The following TCEANC2 variants were observed in gnomAD, a reference collection of about 807,000 sequenced individuals.
The protein encoded by TCEANC2 is transcription elongation factor A N-terminal and central domain containing 2, also known as transcription elongation factor A N-terminal and central domain-containing protein 2.
In TCEANC2, 20 loss-of-function variants were observed where a neutral mutation model predicts 22.8. The ratio of observed to expected loss-of-function variants is 0.88; its 90% confidence interval spans 0.62 to 1.28. The LOEUF (loss-of-function observed/expected upper bound fraction) is 1.28. Ranked by LOEUF, TCEANC2 falls within the 50% of genes most tolerant of loss-of-function variation. The probability of loss-of-function intolerance (pLI) is 0.00; values close to 1 mark genes in which losing one functional copy is unlikely to be tolerated. For synonymous variants in TCEANC2, 84 were observed against 95.5 expected (o/e 0.88, Z 0.70); for missense variants, 251 against 249.7 (o/e 1.01, Z -0.03).
chr1:54,068,947 CCTT>C (rs753563342), intron 3 of TCEANC2, 50 bp downstream of exon 3: 320 of 1,439,260 alleles, frequency 2.2e-4, no homozygotes, highest in Non-Finnish European at 2.8e-4. Context: ...ATTTTGTCTC[CCTT>C]CTTCTTTCCT....
intron 2 of TCEANC2, among the ~76,000 whole-genome samples, chr1:54,055,175 G>A (rs1027302738): frequency 4.3e-4 from 66 of 152,184 alleles, no homozygotes; most frequent in African/African-American, 1.5e-3. Context: ...TGTTGGCCAG[G>A]CTGGTCTTGA....
chr1:54,066,619 T>C (rs2100360737), intron 2 of TCEANC2, among the ~76,000 whole-genome samples: 1 of 152,346 alleles, frequency 6.6e-6, no homozygotes, highest in South Asian at 2.1e-4. Flanking sequence ...AAGACATTTG[T>C]GTATAAAAAT....
chr1:54,098,059 C>T lies in TCEANC2; in HGVS notation c.*1586C>T, dbSNP rs1422938750. 4 of 152,202 alleles carry T rather than the reference C, an allele frequency of 2.6e-5. No homozygotes were observed. Among genetic ancestry groups the T allele is most frequent in the African/African-American group, 7.2e-5 (3 of 41,432 alleles). 9.4% of individuals were successfully genotyped at this position (152,202 alleles called of 1,614,324 possible). A position where few individuals can be genotyped will look rare whatever the true frequency, so the allele number is the denominator to read the frequency against. ...ATATGGTTGCCTTGGATGATTTCAT[C>T]TACTCTCATGTTTTCAAGCATCATT... is the stretch of plus-strand genomic sequence containing the variant. On this transcript the variant is annotated 3_prime_UTR_variant, in exon 5 of 5. Transcript: ENST00000234827.
At position 54,105,249 on chromosome 1, in the gene TCEANC2, T is replaced by G. The variant is rs1658730871; in HGVS notation, c.*8776T>G. On this transcript the variant is annotated 3_prime_UTR_variant, in exon 5 of 5. Transcript: ENST00000234827. ...GGCCTCTTCCCACAGCTACTGGGAG[T>G]GCTCTCAGCCAGCAGCCTTCAGCTG... The G allele has an allele frequency of 6.6e-6, 1 of 152,352 alleles. No individual in the cohort carries two copies. The highest frequency in any genetic ancestry group is 2.4e-5 in the African/African-American group (1 of 41,370). 9.4% of individuals were successfully genotyped at this position (152,352 alleles called of 1,614,324 possible).
chr1:54,081,343 C>T (rs1297487990), intron 3 of TCEANC2, among the ~76,000 whole-genome samples: 2 of 152,180 alleles, frequency 1.3e-5, no homozygotes, highest in African/African-American at 4.8e-5. Flanking sequence ...ATCCTCTTGC[C>T]TCAGCCTCCC....
intron 3 of TCEANC2, among the ~76,000 whole-genome samples, chr1:54,082,075 T>G (rs1011616542): frequency 1.3e-5 from 2 of 152,228 alleles, no homozygotes; most frequent in Non-Finnish European, 2.9e-5. Flanking sequence ...TCAGGCTGCT[T>G]GTGTTCTAAT....
chr1:54,088,766 A>T lies in TCEANC2; in HGVS notation c.414A>T (p.Leu138Phe). Reference protein sequence around the residue: ...TESLRKNAQKLLSEALELKMD... With the variant: ...TESLRKNAQKFLSEALELKMD... ...CGTTGAGGAAAAATGCTCAGAAATT[A>T]CTCTCAGAAGCCTTGGAATTAAAGG... Residue 138 changes from leucine to phenylalanine, a missense_variant, in exon 4 of 5, where the codon TTA becomes TTT. Transcript: ENST00000234827. 6.3e-7 allele frequency: 1 copy of T among 1,594,464 alleles called. No homozygotes were observed. Among genetic ancestry groups the T allele is most frequent in the South Asian group, 1.1e-5 (1 of 88,338 alleles).
At position 54,096,398 on chromosome 1, in the gene TCEANC2, C is replaced by T. The variant is rs1399154523; in HGVS notation, c.552C>T (p.His184=). The T allele has an allele frequency of 6.2e-7, 1 of 1,613,644 alleles. No individual in the cohort carries two copies. Among genetic ancestry groups the T allele is most frequent in the Admixed American group, 1.7e-5 (1 of 60,022 alleles). The part of the protein sequence containing the change: ...TVRALVFTLK[H]RAEIRAQVKS... ...GAGCCCTGGTCTTCACATTAAAGCACCGAGCTGAAATCCGGGCTCAGGTGA... is the reference window on the plus strand; with the variant it reads ...GAGCCCTGGTCTTCACATTAAAGCATCGAGCTGAAATCCGGGCTCAGGTGA... The change falls in exon 5 of 5, where the codon CAC becomes CAT. Residue 184 remains histidine, a synonymous_variant. Coordinates refer to ENST00000234827, the MANE Select transcript of TCEANC2 (RefSeq NM_153035.3). This position sits in a 1 kb window ranked among gnomAD's most constrained non-coding sequence, Gnocchi z 4.9.
intron 3 of TCEANC2, among the ~76,000 whole-genome samples, chr1:54,083,033 A>G (rs1658275428): frequency 6.6e-6 from 1 of 152,102 alleles, no homozygotes; most frequent in Non-Finnish European, 1.5e-5. Context: ...TAAAAGATAG[A>G]GGGAGAATTA....
At chr1:54,076,025 C>T (rs1426488573) in intron 3 of TCEANC2, among the ~76,000 whole-genome samples, 1 of 141,734 alleles carries the variant, frequency 7.1e-6, no homozygotes, top group Admixed American at 6.9e-5. Flanking sequence ...AAGAACTTGT[C>T]TCCAAAAAAA....
intron 2 of TCEANC2, among the ~76,000 whole-genome samples, chr1:54,058,489 A>T (rs1657793003): frequency 6.6e-6 from 1 of 152,186 alleles, no homozygotes; most frequent in Admixed American, 6.5e-5. Flanking sequence ...GACTTGGCCT[A>T]TAGTAGGCTG....
At chr1:54,073,039 C>T (rs1480383709) in intron 3 of TCEANC2, among the ~76,000 whole-genome samples, 1 of 152,116 alleles carries the variant, frequency 6.6e-6, no homozygotes, top group African/African-American at 2.4e-5. Flanking sequence ...AGTCACAGCT[C>T]ACTGCAGCCT....
In TCEANC2 at chr1:54,097,449, G is replaced by A. The variant is rs1658580529; in HGVS notation, c.*976G>A. The A allele has an allele frequency of 6.6e-6, 1 of 152,106 alleles. No individual in the cohort carries two copies. Among genetic ancestry groups the A allele is most frequent in the South Asian group, 2.1e-4 (1 of 4,822 alleles). The allele number at this position is 152,106 out of a possible 1,614,324, so 9.4% of individuals were successfully genotyped here. ...CTCAAGGAAGTGGGGATTAGATTAG[G>A]GGAGACTGGAGCACGTTTGTAATCT... On this transcript the variant is annotated 3_prime_UTR_variant, in exon 5 of 5. Coordinates refer to ENST00000234827, the MANE Select transcript of TCEANC2 (RefSeq NM_153035.3).
chr1:54,057,324 G>A (rs1657770392), intron 2 of TCEANC2, among the ~76,000 whole-genome samples: 1 of 146,688 alleles, frequency 6.8e-6, no homozygotes, highest in Admixed American at 6.8e-5. Flanking sequence ...GGGACTATAG[G>A]CACATGCCAC....
In TCEANC2 at chr1:54,105,578, A is replaced by G. The variant is rs1199546230; in HGVS notation, c.*9105A>G. ...GTCTACTTTCCAAGGAAGTGGGCCT[A>G]TAACATAGCTCTTCCAGTTTTTGTT... On this transcript the variant is annotated 3_prime_UTR_variant, in exon 5 of 5. Coordinates refer to ENST00000234827, the MANE Select transcript of TCEANC2 (RefSeq NM_153035.3). The G allele has an allele frequency of 6.6e-6, 1 of 152,134 alleles. No homozygotes were observed. Among genetic ancestry groups the G allele is most frequent in the Non-Finnish European group, 1.5e-5 (1 of 68,042 alleles). The allele number at this position is 152,134 out of a possible 1,614,324, so 9.4% of individuals were successfully genotyped here.
chr1:54,078,942 A>C (rs1303184029), intron 3 of TCEANC2, among the ~76,000 whole-genome samples: 2 of 152,196 alleles, frequency 1.3e-5, no homozygotes, highest in East Asian at 1.9e-4. Flanking sequence ...TGGTCTGGGA[A>C]GTTGAGGGCC....
Position 54,088,618 on chromosome 1 carries a change from G to GT in TCEANC2, c.267dup (p.Lys90Ter). 1 of 1,603,070 alleles carries GT rather than the reference G, an allele frequency of 6.2e-7. No homozygotes were observed. Among genetic ancestry groups the GT allele is most frequent in the South Asian group, 1.1e-5 (1 of 88,900 alleles). ...CCAGGTCACACTGTGAACAAGATGC[G>GT]TAAACACTCAGATTCAGAAGTGGCT... On this transcript the variant is annotated frameshift_variant, in exon 4 of 5. Coordinates refer to ENST00000234827, the MANE Select transcript of TCEANC2 (RefSeq NM_153035.3). LOFTEE classifies it high-confidence loss of function.
chr1:54,106,714 T>C (rs1371184276), downstream of TCEANC2, among the ~76,000 whole-genome samples: 2 of 152,046 alleles, frequency 1.3e-5, no homozygotes, highest in African/African-American at 4.8e-5. Context: ...CTATGAACTA[T>C]TTATGTAAGG....
At chr1:54,058,651 C>A (rs779382006) in intron 2 of TCEANC2, among the ~76,000 whole-genome samples, 8 of 150,318 alleles carry the variant, frequency 5.3e-5, no homozygotes, top group Non-Finnish European at 1.2e-4. Context: ...TCTTGCTGTT[C>A]TTTGTTTGTT....
Sources: gnomAD v4.1 joint callset for allele counts (sites outside exome capture counted in the v4.1 genomes callset) on GRCh38, gnomAD v4.1.1 for gene constraint, Gnocchi (gnomAD v3.1) non-coding constraint, MANE v1.5 for transcripts, NCBI Gene and HGNC (gene_info 2026-07-23, HGNC 2026-07-21) for gene names.